Variants in TLCD3B observed in about 807,000 individuals in gnomAD.
The protein encoded by TLCD3B is ceramide synthase.
TLCD3B carries 9 observed loss-of-function variants against 23.0 expected under a neutral mutation model. The observed-to-expected ratio is 0.39, with a 90% CI of 0.24 to 0.68. The LOEUF (loss-of-function observed/expected upper bound fraction) is 0.68, where lower values mean the gene tolerates loss of function less well. Among genes scored for constraint, TLCD3B ranks in the 30% least tolerant of loss-of-function variants. The pLI, the probability that TLCD3B is intolerant of heterozygous loss-of-function variation, is 0.44. For missense variants in TLCD3B, 307 were observed against 371.8 expected, an observed-to-expected ratio of 0.83 and a Z score of 1.43; for synonymous variants, 161 against 161.0, an observed-to-expected ratio of 1.00 and a Z score of 0.00.
intron 3 of TLCD3B, among the ~76,000 whole-genome samples, chr16:30,038,108 C>T (rs1042484167): frequency 3.9e-4 from 60 of 152,126 alleles, no homozygotes; most frequent in African/African-American, 1.4e-3. Context: ...ATGTGTGCCC[C>T]TTAAGTGAAG....
At position 30,052,927 on chromosome 16, in the gene TLCD3B, T is replaced by G. The variant is rs2071790751; in HGVS notation, c.-447A>C. On this transcript the variant is annotated 5_prime_UTR_variant, in exon 1 of 7. Transcript: ENST00000561666. ...TCCAACGTCCGGCATCTGATGAGGA[T>G]CCGACCCAGGCGGGCGGCGGCGGGA... is the stretch of plus-strand genomic sequence containing the variant. 2.0e-5 allele frequency: 3 copies of G among 152,102 alleles called. No homozygotes were observed. In the South Asian group the frequency reaches 6.2e-4, roughly 32 times the overall value. 9.4% of individuals were successfully genotyped at this position (152,102 alleles called of 1,614,324 possible).
At chr16:30,028,164 C>T (rs974292198) in intron 2 of TLCD3B, among the ~76,000 whole-genome samples, 1 of 152,186 alleles carries the variant, frequency 6.6e-6, no homozygotes, top group Non-Finnish European at 1.5e-5. Flanking sequence ...GCAGGCCCAG[C>T]AGAGGTGATG....
chr16:30,051,615 A>G (rs2071754999), intron 1 of TLCD3B, among the ~76,000 whole-genome samples: 1 of 152,176 alleles, frequency 6.6e-6, no homozygotes, highest in South Asian at 2.1e-4. Context: ...GGCTAGGCCA[A>G]GTACTAGAGC....
chr16:30,030,561 G>A lies in TLCD3B; in HGVS notation c.-34C>T. The A allele has an allele frequency of 6.5e-7, 1 of 1,545,624 alleles. No homozygotes were observed. Among genetic ancestry groups the A allele is most frequent in the Non-Finnish European group, 8.7e-7 (1 of 1,150,842 alleles). On this transcript the variant is annotated 5_prime_UTR_variant, in exon 1 of 5. Transcript: ENST00000380495. ...AGGACTTGGGCAGGGAGGCAGGCGG[G>A]CCGTGAAGGGGCAGGGAGGCCGAGT...
upstream of TLCD3B, among the ~76,000 whole-genome samples, chr16:30,032,451 A>G (rs1458056907): frequency 6.6e-6 from 1 of 152,048 alleles, no homozygotes; most frequent in Non-Finnish European, 1.5e-5. Context: ...AAGAAGTCTC[A>G]CGCTGATTTA....
Position 30,029,218 on chromosome 16 carries a change from G to T in TLCD3B, c.209+214C>A, listed in dbSNP as rs540589418. Among the ~76,000 whole-genome samples the T allele has an allele frequency of 6.6e-6, 1 of 152,280 alleles. No individual in the cohort carries two copies. Among genetic ancestry groups the T allele is most frequent in the South Asian group, 2.1e-4 (1 of 4,820 alleles). On this transcript the variant is annotated intron_variant, in intron 2 of 4. Coordinates refer to ENST00000380495, the MANE Select transcript of TLCD3B (RefSeq NM_031478.6). The surrounding 1 kb of genome is among the most constrained non-coding windows in gnomAD (Gnocchi z 4.6). ...GCTTTGAGGATCCTCTCTGATCCCCGCTCCTTCTCCCCCTGGTTCTGACCT... is the reference window on the plus strand; with the variant it reads ...GCTTTGAGGATCCTCTCTGATCCCCTCTCCTTCTCCCCCTGGTTCTGACCT...
At chr16:30,047,633 T>C (rs1208189562) in intron 1 of TLCD3B, among the ~76,000 whole-genome samples, 1 of 151,970 alleles carries the variant, frequency 6.6e-6, no homozygotes, top group Non-Finnish European at 1.5e-5. Flanking sequence ...AATTTTTGTA[T>C]TTTTTGTAGA....
chr16:30,049,080 T>C (rs2071713975), intron 1 of TLCD3B, among the ~76,000 whole-genome samples: 1 of 152,104 alleles, frequency 6.6e-6, no homozygotes, highest in Middle Eastern at 3.2e-3. Context: ...TAAAGGTTTT[T>C]TTCGTTTTGT....
At chr16:30,030,345 C>A (rs1022312952) in intron 1 of TLCD3B, 58 bp downstream of exon 1, 8 of 1,479,496 alleles carry the variant, frequency 5.4e-6, no homozygotes, top group Non-Finnish European at 6.4e-6. Context: ...CAGGTCCCTT[C>A]CATTCCCTGA....
chr16:30,051,433 G>T (rs917309038), intron 1 of TLCD3B, among the ~76,000 whole-genome samples: 1 of 146,368 alleles, frequency 6.8e-6, no homozygotes, highest in South Asian at 2.2e-4. Context: ...TGAGGCAGGA[G>T]AATTGCTTGA....
intron 3 of TLCD3B, among the ~76,000 whole-genome samples, chr16:30,040,147 A>ATAT (rs1555475530): frequency 0.011 from 1,073 of 95,868 alleles, 7 homozygotes; most frequent in Admixed American, 0.014. Flanking sequence ...AAAAAAAAAA[A>ATAT]ATATATATAT....
chr16:30,046,801 C>T (rs1240928015), intron 1 of TLCD3B, among the ~76,000 whole-genome samples: 1 of 152,200 alleles, frequency 6.6e-6, no homozygotes, highest in African/African-American at 2.4e-5. Context: ...CAGTCACTAG[C>T]CTGGCATCCT....
At chr16:30,035,400 G>A (rs1318506983), upstream of TLCD3B, 3 of 1,289,540 alleles carry the variant, frequency 2.3e-6, no homozygotes, top group African/African-American at 1.5e-5. Context: ...AGGTTGGTGT[G>A]GTTCTGCAAG....
chr16:30,024,542 C>T lies in TLCD3B; in HGVS notation c.*641G>A. On this transcript the variant is annotated 3_prime_UTR_variant, in exon 5 of 5. Coordinates refer to ENST00000380495, the MANE Select transcript of TLCD3B (RefSeq NM_031478.6). ...AGTAGCACCAGGGACATGGCAGGGC[C>T]CGAGGGCGCGATGTGCAGCCGATGG... 1 of 429,830 alleles carries T rather than the reference C, an allele frequency of 2.3e-6. No individual in the cohort carries two copies. Among genetic ancestry groups the T allele is most frequent in the Non-Finnish European group, 4.2e-6 (1 of 239,928 alleles). The allele number at this position is 429,830 out of a possible 1,614,324, so 26.6% of individuals were successfully genotyped here. A position where few individuals can be genotyped will look rare whatever the true frequency, so the allele number is the denominator to read the frequency against.
intron 2 of TLCD3B, 48 bp from the exon 3 acceptor site, chr16:30,026,891 C>T (rs200122906): frequency 7.2e-6 from 11 of 1,518,308 alleles, no homozygotes; most frequent in Middle Eastern, 1.7e-4. Context: ...AAAGGGGACA[C>T]CAGTGATTGG....
upstream of TLCD3B, chr16:30,033,608 T>C (rs1300801071): frequency 6.6e-6 from 1 of 152,196 alleles, no homozygotes; most frequent in African/African-American, 2.4e-5. Flanking sequence ...GTTTGGCCAG[T>C]ATGCAGTTGT....
At chr16:30,044,879 T>C (rs994530566) in intron 2 of TLCD3B, among the ~76,000 whole-genome samples, 2 of 150,986 alleles carry the variant, frequency 1.3e-5, no homozygotes, top group Non-Finnish European at 3.0e-5. Flanking sequence ...TTAACTAAGG[T>C]CAAGGGTTCG....
chr16:30,052,366 C>A (rs1373826170), intron 1 of TLCD3B, among the ~76,000 whole-genome samples: 1 of 151,156 alleles, frequency 6.6e-6, no homozygotes, highest in African/African-American at 2.4e-5. Flanking sequence ...AAATCTGTCT[C>A]CAAAAAATAA....
chr16:30,034,788 C>CAAGGA (rs1348972662), upstream of TLCD3B, among the ~76,000 whole-genome samples: 1 of 152,146 alleles, frequency 6.6e-6, no homozygotes, highest in Non-Finnish European at 1.5e-5. Flanking sequence ...GATCCTCACA[C>CAAGGA]AACATCTCCA....
Sources: allele counts gnomAD v4.1 joint callset (sites outside exome capture counted in the v4.1 genomes callset), GRCh38; gene constraint gnomAD v4.1.1; non-coding constraint Gnocchi (gnomAD v3.1); transcripts MANE v1.5; gene names NCBI Gene and HGNC (gene_info 2026-07-23, HGNC 2026-07-21).